The following PDE4B variants were observed in gnomAD, a reference collection of about 807,000 sequenced individuals.
PDE4B encodes the protein 3',5'-cyclic-AMP phosphodiesterase 4B.
In PDE4B, 20 loss-of-function variants were observed where a neutral mutation model predicts 82.2. The observed-to-expected ratio is 0.24, with a 90% CI of 0.17 to 0.35. The LOEUF is 0.35. Among genes scored for constraint, PDE4B ranks in the 10% least tolerant of loss-of-function variants. The pLI is 1.00. For synonymous variants in PDE4B, 320 were observed against 318.9 expected (o/e 1.00, Z -0.04); for missense variants, 655 against 907.2 (o/e 0.72, Z 3.57).
chr1:66,364,728 G>C (rs181981584), intron 12 of PDE4B, among the ~76,000 whole-genome samples: 1 of 152,294 alleles, frequency 6.6e-6, no homozygotes, highest in Non-Finnish European at 1.5e-5. Flanking sequence ...TTTATACCCT[G>C]TGTAAGTATC....
chr1:66,092,912 A>G (rs1387581016), intron 3 of PDE4B, among the ~76,000 whole-genome samples: 2 of 152,082 alleles, frequency 1.3e-5, no homozygotes, highest in Admixed American at 1.3e-4. Context: ...GAGGGTTTCA[A>G]AAGGATTCCT....
At chr1:65,878,107 T>G (rs1646667806) in intron 1 of PDE4B, among the ~76,000 whole-genome samples, 1 of 152,086 alleles carries the variant, frequency 6.6e-6, no homozygotes, top group African/African-American at 2.4e-5. Context: ...AGAAGACATT[T>G]ATGCAGCCAA....
intron 3 of PDE4B, among the ~76,000 whole-genome samples, chr1:66,002,186 T>A (rs947353942): frequency 6.6e-6 from 1 of 150,944 alleles, no homozygotes. Context: ...TTCTAACAGA[T>A]AAGTAGTGGT....
chr1:66,154,615 A>G (rs777579571), intron 3 of PDE4B, among the ~76,000 whole-genome samples: 9 of 152,224 alleles, frequency 5.9e-5, no homozygotes, highest in Non-Finnish European at 8.8e-5. Context: ...CTGAAGTACC[A>G]TCAGCTGGCA....
intron 1 of PDE4B, among the ~76,000 whole-genome samples, chr1:65,901,450 T>C (rs1399505134): frequency 2.0e-5 from 3 of 152,076 alleles, no homozygotes; most frequent in Non-Finnish European, 4.4e-5. Context: ...CAGGGTTATG[T>C]TGGCTTCATA....
At chr1:66,003,245 G>A (rs1651962296) in intron 3 of PDE4B, among the ~76,000 whole-genome samples, 1 of 151,890 alleles carries the variant, frequency 6.6e-6, no homozygotes, top group African/African-American at 2.4e-5. Context: ...AATGAACCAA[G>A]CTAAATTATA....
chr1:66,312,632 C>G (rs1418968721), intron 7 of PDE4B, among the ~76,000 whole-genome samples: 2 of 152,224 alleles, frequency 1.3e-5, no homozygotes, highest in Non-Finnish European at 2.9e-5. Flanking sequence ...TGCCATAGAA[C>G]AGCACATGTT....
intron 3 of PDE4B, among the ~76,000 whole-genome samples, chr1:66,127,153 A>G (rs187873844): frequency 6.6e-6 from 1 of 151,930 alleles, no homozygotes; most frequent in Admixed American, 6.6e-5. Flanking sequence ...ATAGTATTGT[A>G]CTATGACAAT....
intron 1 of PDE4B, among the ~76,000 whole-genome samples, chr1:65,817,872 A>G (rs1292731381): frequency 6.6e-6 from 1 of 152,148 alleles, no homozygotes; most frequent in African/African-American, 2.4e-5. Context: ...CTTGATTTAC[A>G]TATTTTACAA....
chr1:66,182,590 G>A (rs928565293), intron 3 of PDE4B, among the ~76,000 whole-genome samples: 3 of 152,138 alleles, frequency 2.0e-5, no homozygotes, highest in Non-Finnish European at 4.4e-5. Context: ...TTGGTGCTGA[G>A]CCAGGAGGGC....
At chr1:66,309,548 G>C (rs1299122887) in intron 7 of PDE4B, among the ~76,000 whole-genome samples, 1 of 152,174 alleles carries the variant, frequency 6.6e-6, no homozygotes, top group Non-Finnish European at 1.5e-5. Context: ...AATGTGAAGG[G>C]GGAATACCCA....
chr1:65,860,191 C>G (rs1349030787), intron 1 of PDE4B, among the ~76,000 whole-genome samples: 1 of 152,164 alleles, frequency 6.6e-6, no homozygotes, highest in African/African-American at 2.4e-5. Flanking sequence ...AATACTCTCC[C>G]TCCCCTCACC....
At chr1:65,829,339 A>G (rs1017779788) in intron 1 of PDE4B, among the ~76,000 whole-genome samples, 1 of 152,174 alleles carries the variant, frequency 6.6e-6, no homozygotes. Context: ...AAAGAGATAG[A>G]AACAAATTTA....
Position 66,332,520 on chromosome 1 carries a change from A to C in PDE4B, c.647A>C (p.Gln216Pro). Reference protein sequence around the residue: ...SRVNPQEESYQKLAMETLEEL... With the variant: ...SRVNPQEESYPKLAMETLEEL... ...TGTTTGTTTGCAGAAGAATCTTATC[A>C]AAAATTAGCAATGGAAACGCTGGAG... Residue 216 changes from glutamine (Q) to proline (P), a missense_variant, in exon 8 of 17, where the codon CAA (glutamine) becomes CCA (proline). Gln to Pro is a moderately conservative substitution (Grantham distance 76). Coordinates refer to ENST00000341517, the MANE Select transcript of PDE4B (RefSeq NM_002600.4). 1 of 1,614,196 alleles carries C rather than the reference A, an allele frequency of 6.2e-7. No homozygotes were observed. Among genetic ancestry groups the C allele is most frequent in the Non-Finnish European group, 8.5e-7 (1 of 1,180,034 alleles).
intron 1 of PDE4B, among the ~76,000 whole-genome samples, chr1:65,829,331 A>G (rs1646054958): frequency 1.3e-5 from 2 of 152,310 alleles, no homozygotes; most frequent in East Asian, 3.9e-4. Flanking sequence ...CAGATTTGAA[A>G]GAGATAGAAA....
At position 65,813,890 on chromosome 1, in the gene PDE4B, C is replaced by T. The variant is rs545886117; in HGVS notation, c.-71+20642C>T. Among the ~76,000 whole-genome samples the T allele has an allele frequency of 5.2e-4, 32 of 61,586 alleles. No individual in the cohort carries two copies. The East Asian group carries it at 5.3e-3, about 10-fold the overall frequency. The allele number at this position is 61,586 out of a possible 152,430, so 40.4% of individuals were successfully genotyped here. On this transcript the variant is annotated intron_variant, in intron 1 of 16. Transcript: ENST00000341517. The stretch of plus-strand genomic sequence containing the variant: ...TGTGTCCAATAGGCAGTAGGCACTG[C>T]GGCAAAAAAAAAAAAAAAAAAAACA...
intron 1 of PDE4B, among the ~76,000 whole-genome samples, chr1:65,803,793 T>C (rs930140472): frequency 6.6e-6 from 1 of 152,230 alleles, no homozygotes; most frequent in Non-Finnish European, 1.5e-5. Flanking sequence ...AAGGCTTTTG[T>C]AATACTGTCA....
intron 3 of PDE4B, among the ~76,000 whole-genome samples, chr1:65,957,511 T>C (rs1481678310): frequency 6.6e-6 from 1 of 152,108 alleles, no homozygotes; most frequent in Non-Finnish European, 1.5e-5. Context: ...TCTTCAGAAA[T>C]GGTGAGTTCT....
At chr1:66,121,143 G>A (rs1179349635) in intron 3 of PDE4B, among the ~76,000 whole-genome samples, 5 of 152,148 alleles carry the variant, frequency 3.3e-5, no homozygotes, top group Admixed American at 2.6e-4. Context: ...GAGGAAGTAA[G>A]ATATGGAGTC....
Sources: gnomAD v4.1 joint callset for allele counts (sites outside exome capture counted in the v4.1 genomes callset) on GRCh38, gnomAD v4.1.1 for gene constraint, MANE v1.5 for transcripts, NCBI Gene and HGNC (gene_info 2026-07-23, HGNC 2026-07-21) for gene names.